The following HIRA variants were observed in gnomAD, a reference collection of about 807,000 sequenced individuals.
HIRA encodes the protein histone cell cycle regulator, also known as protein HIRA.
HIRA carries 13 observed loss-of-function variants against 126.6 expected under a neutral mutation model. The ratio of observed to expected loss-of-function variants is 0.10; its 90% CI spans 0.07 to 0.16. HIRA has a LOEUF of 0.16. HIRA is among the 10% of genes least tolerant of loss of function. The probability of loss-of-function intolerance (pLI) is 1.00; values close to 1 mark genes in which losing one functional copy is unlikely to be tolerated. For synonymous variants in HIRA, 511 were observed against 520.0 expected (o/e 0.98, Z 0.24); for missense variants, 834 against 1,314.4 (o/e 0.63, Z 5.65).
chr22:19,383,395 C>T (rs1244526561), intron 13 of HIRA, among the ~76,000 whole-genome samples: 1 of 152,166 alleles, frequency 6.6e-6, no homozygotes, highest in Non-Finnish European at 1.5e-5. Context: ...ATGTGCTGGC[C>T]GCCTTAGCAC....
rs112845052 is a variant in HIRA, at chr22:19,350,888, T to C, written c.2937+470A>G. The stretch of plus-strand genomic sequence containing the variant: ...TGGCTGTCTCACTCTTCTCCTTGGG[T>C]TTCATCCGCAGTGTCCTCTCACAAG... On this transcript the variant is annotated intron_variant, in intron 24 of 24. Transcript: ENST00000263208. Among the ~76,000 whole-genome samples the C allele has an allele frequency of 9.6e-4, 146 of 152,102 alleles. 1 individual carries two copies. Among genetic ancestry groups the C allele is most frequent in the African/African-American group, 3.3e-3 (136 of 41,486 alleles).
chr22:19,409,258 T>C (rs1436482561), intron 2 of HIRA, among the ~76,000 whole-genome samples: 1 of 151,880 alleles, frequency 6.6e-6, no homozygotes, highest in Non-Finnish European at 1.5e-5. Flanking sequence ...CTAAAAAATA[T>C]ACCCATGCCT....
At chr22:19,397,463 A>G (rs2089233469) in intron 6 of HIRA, among the ~76,000 whole-genome samples, 1 of 152,274 alleles carries the variant, frequency 6.6e-6, no homozygotes, top group African/African-American at 2.4e-5. Flanking sequence ...TCAAAGAGTT[A>G]AAATGACCTG....
At chr22:19,341,883 T>C (rs2088633154) in intron 24 of HIRA, among the ~76,000 whole-genome samples, 1 of 152,218 alleles carries the variant, frequency 6.6e-6, no homozygotes, top group African/African-American at 2.4e-5. Flanking sequence ...TTCTAGACAT[T>C]GGCTTAGGCA....
At chr22:19,378,312 C>T in intron 13 of HIRA, among the ~76,000 whole-genome samples, 1 of 152,204 alleles carries the variant, frequency 6.6e-6, no homozygotes, top group Non-Finnish European at 1.5e-5. Context: ...TGTCAGATGC[C>T]ATTGACTGTA....
intron 24 of HIRA, among the ~76,000 whole-genome samples, chr22:19,340,169 CA>C (rs781871530): frequency 3.3e-5 from 5 of 152,124 alleles, no homozygotes; most frequent in Non-Finnish European, 1.5e-5. Context: ...AAAGATAATA[CA>C]CCATGATCAA....
intron 7 of HIRA, among the ~76,000 whole-genome samples, chr22:19,396,481 A>G (rs1256449162): frequency 6.6e-6 from 1 of 152,232 alleles, no homozygotes; most frequent in Non-Finnish European, 1.5e-5. Flanking sequence ...GTGCCACTGC[A>G]CTCTAGCCTG....
At chr22:19,366,412 C>A (rs933505303) in intron 15 of HIRA, among the ~76,000 whole-genome samples, 10 of 152,320 alleles carry the variant, frequency 6.6e-5, no homozygotes, top group South Asian at 4.1e-4. Flanking sequence ...TCTGGCAGAT[C>A]TGGGCAAAGT....
intron 7 of HIRA, among the ~76,000 whole-genome samples, chr22:19,395,630 T>G (rs1262389672): frequency 6.6e-6 from 1 of 152,204 alleles, no homozygotes; most frequent in African/African-American, 2.4e-5. Flanking sequence ...AGTGGGCAAA[T>G]GCGTGCTCTT....
chr22:19,348,687 G>A (rs1286358799), intron 24 of HIRA, among the ~76,000 whole-genome samples: 1 of 151,904 alleles, frequency 6.6e-6, no homozygotes. Context: ...AGTAGAGATG[G>A]GGTTTCACTA....
chr22:19,423,084 G>C (rs2089460997), intron 1 of HIRA, among the ~76,000 whole-genome samples: 1 of 150,698 alleles, frequency 6.6e-6, no homozygotes, highest in African/African-American at 2.4e-5. Flanking sequence ...TGGATCCCGA[G>C]AGCCCTCCCC....
chr22:19,383,269 C>A (rs985429916), intron 13 of HIRA, among the ~76,000 whole-genome samples: 12 of 151,882 alleles, frequency 7.9e-5, no homozygotes, highest in African/African-American at 2.9e-4. Flanking sequence ...TGTAAATATA[C>A]CTTTCATAAT....
At chr22:19,387,954 TCCCTTC>T in intron 10 of HIRA, 138 bp from the exon 11 acceptor site, 1 of 80,972 alleles carries the variant, frequency 1.2e-5, no homozygotes, top group Non-Finnish European at 3.0e-5. Flanking sequence ...GTGGCCTGGT[TCCCTTC>T]TTTGGCCTGG....
rs757536947 is a variant in HIRA at position 19,383,664 on chromosome 22, G to C, written c.1371C>G (p.Gly457=). The C allele has an allele frequency of 6.2e-6, 10 of 1,614,124 alleles. No individual in the cohort carries two copies. In the South Asian group the frequency reaches 1.1e-4, roughly 18 times the overall value. Residue 457 remains glycine, a synonymous_variant, in exon 13 of 25, where the codon GGC becomes GGG. Coordinates refer to ENST00000263208, the MANE Select transcript of HIRA (RefSeq NM_003325.4). ...KKQVETRTAD[G]RRRITPLCIA... The stretch of plus-strand genomic sequence containing the variant: ...TGCAGAGAGGCGTGATTCTTCTCCG[G>C]CCATCTGCTGTCCGAGTCTCAACTT...
chr22:19,333,625 TTCCTC>T (rs1459791666), intron 24 of HIRA, among the ~76,000 whole-genome samples: 19 of 152,174 alleles, frequency 1.2e-4, no homozygotes, highest in African/African-American at 4.6e-4. Context: ...ACCCCCGTCT[TTCCTC>T]AAATTTGGAA....
At chr22:19,392,373 G>A (rs1358422995) in intron 8 of HIRA, among the ~76,000 whole-genome samples, 159 bp from the exon 9 acceptor site, 1 of 152,244 alleles carries the variant, frequency 6.6e-6, no homozygotes, top group Non-Finnish European at 1.5e-5. Context: ...GAGGCATCTG[G>A]CTGATGATGG....
At chr22:19,333,202 C>T (rs1425947088) in intron 24 of HIRA, among the ~76,000 whole-genome samples, 1 of 152,134 alleles carries the variant, frequency 6.6e-6, no homozygotes, top group African/African-American at 2.4e-5. Flanking sequence ...GCCACTATGC[C>T]TGGCAAAAGT....
At chr22:19,345,554 G>C (rs1462253362) in intron 24 of HIRA, among the ~76,000 whole-genome samples, 1 of 152,180 alleles carries the variant, frequency 6.6e-6, no homozygotes, top group East Asian at 1.9e-4. Context: ...GACCAGTGGG[G>C]GAGGGGAAGA....
chr22:19,331,231 G>A lies in HIRA; in HGVS notation c.*209C>T. On this transcript the variant is annotated 3_prime_UTR_variant, in exon 25 of 25. Transcript: ENST00000263208. ...CTCCGCATCGGGGGCTTGGAGGGAG[G>A]GATGAGCTTCCCCCTCCTGAGGCAA... The A allele has an allele frequency of 6.7e-7, 1 of 1,488,872 alleles. No homozygotes were observed. 92.2% of individuals were successfully genotyped at this position (1,488,872 alleles called of 1,614,324 possible). A position where few individuals can be genotyped will look rare whatever the true frequency, so the allele number is the denominator to read the frequency against.
Sources: gnomAD v4.1 joint callset for allele counts (sites outside exome capture counted in the v4.1 genomes callset) on GRCh38, gnomAD v4.1.1 for gene constraint, MANE v1.5 for transcripts, NCBI Gene and HGNC (gene_info 2026-07-23, HGNC 2026-07-21) for gene names.